Variants in RASEF observed in about 807,000 individuals in gnomAD.
The protein encoded by RASEF is ras and EF-hand domain-containing protein.
RASEF carries 68 observed loss-of-function variants against 90.1 expected under a neutral mutation model. The ratio of observed to expected loss-of-function variants is 0.75; its 90% CI spans 0.62 to 0.92. The LOEUF is 0.92. RASEF is among the 40% of genes least tolerant of loss of function. RASEF has a pLI of 0.00. For synonymous variants in RASEF, 331 were observed against 345.2 expected (o/e 0.96, Z 0.46); for missense variants, 949 against 937.2 (o/e 1.01, Z -0.16).
intron 1 of RASEF, among the ~76,000 whole-genome samples, chr9:83,037,559 C>A (rs1587513382): frequency 6.6e-6 from 1 of 151,958 alleles, no homozygotes; most frequent in Non-Finnish European, 1.5e-5. Flanking sequence ...TAACTGAATC[C>A]AAATACACTT....
intron 1 of RASEF, among the ~76,000 whole-genome samples, chr9:83,049,085 C>T (rs1013599716): frequency 1.3e-5 from 2 of 149,684 alleles, no homozygotes; most frequent in Non-Finnish European, 3.0e-5. Flanking sequence ...GATCACACCA[C>T]TGCACTCCAG....
chr9:83,165,819 G>A, the RASEF span, among the ~76,000 whole-genome samples: 1 of 151,972 alleles, frequency 6.6e-6, no homozygotes, highest in African/African-American at 2.4e-5. Flanking sequence ...AATGAAAGAG[G>A]GGACATCACT....
At chr9:82,991,300 T>G (rs1368575795) in intron 15 of RASEF, among the ~76,000 whole-genome samples, 1 of 152,334 alleles carries the variant, frequency 6.6e-6, no homozygotes, top group Admixed American at 6.5e-5. Context: ...GCAGTTAAGA[T>G]TCAGTCATTC....
the RASEF span, among the ~76,000 whole-genome samples, chr9:83,189,745 G>A: frequency 5.3e-5 from 8 of 152,130 alleles, no homozygotes; most frequent in African/African-American, 1.4e-4. Flanking sequence ...AAATGCTCAC[G>A]TCCAATCCAG....
the RASEF span, among the ~76,000 whole-genome samples, chr9:83,145,283 A>T: frequency 6.6e-6 from 1 of 152,200 alleles, no homozygotes; most frequent in Non-Finnish European, 1.5e-5. Flanking sequence ...GAGTTGTACC[A>T]TGACAGAATT....
At chr9:83,064,037 C>G (rs1310437741), upstream of RASEF, among the ~76,000 whole-genome samples, 9 of 152,190 alleles carry the variant, frequency 5.9e-5, no homozygotes, top group Admixed American at 5.9e-4. Flanking sequence ...ACATTTTAGA[C>G]TTTCTGACTC....
chr9:83,007,041 C>A (rs927434889), intron 7 of RASEF, among the ~76,000 whole-genome samples: 2 of 150,602 alleles, frequency 1.3e-5, no homozygotes, highest in African/African-American at 4.9e-5. Flanking sequence ...TTGCAGTGAG[C>A]CGAGATTGCA....
At chr9:83,184,335 G>A in the RASEF span, among the ~76,000 whole-genome samples, 1 of 152,136 alleles carries the variant, frequency 6.6e-6, no homozygotes, top group Non-Finnish European at 1.5e-5. Flanking sequence ...ATAGAATGTT[G>A]TCAGGGAATA....
At chr9:83,092,243 C>T in the RASEF span, among the ~76,000 whole-genome samples, 1 of 152,058 alleles carries the variant, frequency 6.6e-6, no homozygotes, top group Middle Eastern at 3.4e-3. Context: ...TTATGTCCCT[C>T]CAAATTCCAG....
At chr9:83,099,915 A>T in the RASEF span, among the ~76,000 whole-genome samples, 44 of 152,380 alleles carry the variant, frequency 2.9e-4, no homozygotes, top group Non-Finnish European at 5.4e-4. Context: ...TTATGGTGAT[A>T]CAGCACTTAT....
At chr9:83,193,550 G>C in the RASEF span, among the ~76,000 whole-genome samples, 2 of 152,144 alleles carry the variant, frequency 1.3e-5, no homozygotes, top group Admixed American at 6.5e-5. Flanking sequence ...GGATCAAATG[G>C]AACAGTGCCT....
chr9:83,097,069 T>C, the RASEF span, among the ~76,000 whole-genome samples: 1 of 152,192 alleles, frequency 6.6e-6, no homozygotes, highest in Non-Finnish European at 1.5e-5. Flanking sequence ...TCTTTGCTAT[T>C]GTGAATAGTG....
intron 1 of RASEF, among the ~76,000 whole-genome samples, chr9:83,031,829 A>G (rs998236870): frequency 1.3e-5 from 2 of 152,108 alleles, no homozygotes; most frequent in African/African-American, 4.8e-5. Flanking sequence ...TGGGGGAAGG[A>G]CTATTACATG....
At chr9:83,092,683 G>C in the RASEF span, among the ~76,000 whole-genome samples, 1 of 152,154 alleles carries the variant, frequency 6.6e-6, no homozygotes, top group African/African-American at 2.4e-5. Context: ...GACCCGAGCG[G>C]GTTGCCACTG....
intron 1 of RASEF, among the ~76,000 whole-genome samples, chr9:83,034,931 G>A (rs1365547050): frequency 6.6e-6 from 1 of 152,130 alleles, no homozygotes; most frequent in African/African-American, 2.4e-5. Context: ...GCCAGCCACT[G>A]TTTCCATCCA....
intron 1 of RASEF, among the ~76,000 whole-genome samples, chr9:83,052,330 G>C (rs1393793069): frequency 7.4e-6 from 1 of 134,292 alleles, no homozygotes; most frequent in Non-Finnish European, 1.5e-5. Flanking sequence ...GTTTATTTGC[G>C]TAGAGGTGTT....
the RASEF span, among the ~76,000 whole-genome samples, chr9:83,168,561 C>T: frequency 2.0e-5 from 3 of 151,828 alleles, no homozygotes; most frequent in Admixed American, 1.3e-4. Context: ...GCAAATCATC[C>T]ATCTGATGAG....
chr9:83,072,652 G>C, the RASEF span, among the ~76,000 whole-genome samples: 1 of 152,234 alleles, frequency 6.6e-6, no homozygotes, highest in East Asian at 1.9e-4. Context: ...AAGAACTTGG[G>C]GTCTTATGTT....
At chr9:83,088,372 G>GGATA in the RASEF span, among the ~76,000 whole-genome samples, 71,394 of 147,242 alleles carry the variant, frequency 0.48, 17,422 homozygotes, top group Non-Finnish European at 0.51. Context: ...ATAGATAGAT[G>GGATA]GATAGATAGA....
Sources: allele counts gnomAD v4.1 joint callset (sites outside exome capture counted in the v4.1 genomes callset), GRCh38; gene constraint gnomAD v4.1.1; transcripts MANE v1.5; gene names NCBI Gene and HGNC (gene_info 2026-07-23, HGNC 2026-07-21).